Variants in ZNF142 observed in about 807,000 individuals in gnomAD.
The protein encoded by ZNF142 is zinc finger protein 142 (clone pHZ-49).
ZNF142 carries 96 observed loss-of-function variants against 132.1 expected under a neutral mutation model. The ratio of observed to expected loss-of-function variants is 0.73; its 90% CI spans 0.62 to 0.86. ZNF142 has a LOEUF of 0.86. ZNF142 is among the 40% of genes least tolerant of loss of function. ZNF142 has a pLI of 0.00. For missense variants in ZNF142, 2,163 were observed against 2,336.2 expected, an observed-to-expected ratio of 0.93 and a Z score of 1.53; for synonymous variants, 842 against 890.1, an observed-to-expected ratio of 0.95 and a Z score of 0.96.
intron 3 of ZNF142, among the ~76,000 whole-genome samples, chr2:218,658,100 A>G (rs1170999197): frequency 3.3e-5 from 5 of 152,264 alleles, no homozygotes; most frequent in East Asian, 1.9e-4. Context: ...ATATGGGAAC[A>G]TAACTGAGGA....
At chr2:218,640,093 ATACT>A (rs1480622833) in intron 10 of ZNF142, among the ~76,000 whole-genome samples, 3 of 150,252 alleles carry the variant, frequency 2.0e-5, no homozygotes, top group Non-Finnish European at 3.0e-5. Context: ...AAAAAAAGAA[ATACT>A]TAGGAGGGAA....
At chr2:218,649,511 C>A in intron 6 of ZNF142, 52 bp from the exon 7 acceptor site, 2 of 1,463,662 alleles carry the variant, frequency 1.4e-6, no homozygotes, top group Non-Finnish European at 1.8e-6. Context: ...CTGGGGAAAG[C>A]CAGATAATGG....
intron 10 of ZNF142, among the ~76,000 whole-genome samples, chr2:218,640,061 CAAAAAAAAAAA>C (rs35136548): frequency 1.4e-4 from 6 of 44,334 alleles, no homozygotes; most frequent in Admixed American, 8.8e-4. Flanking sequence ...GACTCTGTCT[CAAAAAAAAAAA>C]AAAAAAAAAA....
chr2:218,640,930 A>ATT (rs34502703), intron 9 of ZNF142, among the ~76,000 whole-genome samples, 161 bp from the exon 10 acceptor site: 399 of 135,142 alleles, frequency 3.0e-3, no homozygotes, highest in African/African-American at 0.01. Flanking sequence ...CTTGCTAGGG[A>ATT]TTTTTTTTTT....
intron 8 of ZNF142, 141 bp from the exon 9 acceptor site, chr2:218,645,205 C>G: frequency 9.4e-7 from 1 of 1,058,338 alleles, no homozygotes; most frequent in Non-Finnish European, 1.3e-6. Flanking sequence ...TTTTCACTAC[C>G]CTATGAAACT....
Position 218,636,631 on chromosome 2 carries a change from T to C in ZNF142, c.*1708A>G. The C allele has an allele frequency of 1.3e-6, 2 of 1,539,512 alleles. No individual in the cohort carries two copies. Among genetic ancestry groups the C allele is most frequent in the Non-Finnish European group, 1.8e-6 (2 of 1,119,806 alleles). On this transcript the variant is annotated 3_prime_UTR_variant, in exon 11 of 11. Coordinates refer to ENST00000411696, the MANE Select transcript of ZNF142 (RefSeq NM_001379659.1). ...TGCTGGCTTTAGACGGGGAGAAACA[T>C]CTGGAAGGATGCTCGAGAGAACAAA...
chr2:218,636,002 T>C lies in ZNF142; in HGVS notation c.*2337A>G. 6.2e-7 allele frequency: 1 copy of C among 1,604,870 alleles called. No homozygotes were observed. The highest frequency in any genetic ancestry group is 8.5e-7 in the Non-Finnish European group (1 of 1,173,712). On this transcript the variant is annotated 3_prime_UTR_variant, in exon 11 of 11. Coordinates refer to ENST00000411696, the MANE Select transcript of ZNF142 (RefSeq NM_001379659.1). ...AGTTTTCCTTCTAGTCTGTCTTCCA[T>C]TAAGTATAGCATCTGTTATTGCATG...
At position 218,642,473 on chromosome 2, in the gene ZNF142, C is replaced by T. The variant is rs371172483; in HGVS notation, c.4643G>A (p.Arg1548His). 1.5e-5 allele frequency: 24 copies of T among 1,609,256 alleles called. No homozygotes were observed. Among genetic ancestry groups the T allele is most frequent in the Middle Eastern group, 1.7e-4 (1 of 6,050 alleles). ...PSPASLRGHT[R>H]KQHPRLECGA... The stretch of plus-strand genomic sequence containing the variant: ...ACACTCAAGCCGTGGGTGCTGTTTA[C>T]GGGTGTGTCCTCGTAAGCTGGCAGG... The change falls in exon 9 of 11, where the codon CGT becomes CAT. Residue 1548 changes from arginine to histidine, a missense_variant. By Grantham distance (29) the Arg-to-His change is conservative. Around this residue, in one of 7 missense-constraint regions of ZNF142, gnomAD observed 809 missense variants for 801.7 expected, o/e 1.01. Coordinates refer to ENST00000411696, the MANE Select transcript of ZNF142 (RefSeq NM_001379659.1). This position sits in a 1 kb window ranked among gnomAD's most constrained non-coding sequence, Gnocchi z 4.6.
Position 218,638,751 on chromosome 2 carries a change from A to T in ZNF142, c.5252T>A (p.Leu1751Gln). The T allele has an allele frequency of 6.2e-7, 1 of 1,611,826 alleles. No homozygotes were observed. The highest frequency in any genetic ancestry group is 8.5e-7 in the Non-Finnish European group (1 of 1,179,996). ...CEYCTNRADA[L>Q]RVHQETRHRE... ...ATGCCGGGTCTCCTGGTGCACACGC[A>T]GTGCATCAGCCCGGTTGGTGCAGTA... Residue 1751 changes from leucine to glutamine, a missense_variant, in exon 11 of 11, where the codon CTG becomes CAG. This residue lies in a region of ZNF142 where 325 missense variants were observed against 367.8 expected (regional missense o/e 0.88). Transcript: ENST00000411696.
In ZNF142 at chr2:218,634,536, A is replaced by G. The variant is rs149628135; in HGVS notation, c.*3803T>C. The G allele has an allele frequency of 1.9e-6, 3 of 1,613,944 alleles. No individual in the cohort carries two copies. The highest frequency in any genetic ancestry group is 2.7e-5 in the African/African-American group (2 of 74,946). The stretch of plus-strand genomic sequence containing the variant: ...TTCCGCCAGAATGGCGGCTGTGGCT[A>G]TGTGCTGAAGCCAGACTTCCTGCGT... On this transcript the variant is annotated 3_prime_UTR_variant, in exon 11 of 11. Coordinates refer to ENST00000411696, the MANE Select transcript of ZNF142 (RefSeq NM_001379659.1). The surrounding 1 kb of genome is among the most constrained non-coding windows in gnomAD (Gnocchi z 4.0).
Position 218,636,178 on chromosome 2 carries a change from G to C in ZNF142, c.*2161C>G. The C allele has an allele frequency of 1.9e-6, 3 of 1,553,572 alleles. No homozygotes were observed. The highest frequency in any genetic ancestry group is 2.7e-6 in the Non-Finnish European group (3 of 1,129,004). On this transcript the variant is annotated 3_prime_UTR_variant, in exon 11 of 11. Transcript: ENST00000411696. Reference sequence around the variant, plus strand: ...CCATCTAGATTAAATGAGAACACAAGAAAAGCAACCCAGTCAAGAAAACTG... The same window carrying C: ...CCATCTAGATTAAATGAGAACACAACAAAAGCAACCCAGTCAAGAAAACTG...
Position 218,651,720 on chromosome 2 carries a change from TGGAA to T in ZNF142, c.857_860del (p.Leu286HisfsTer37), listed in dbSNP as rs1472333299. ...TCATACCTGGCAGCAGCTCCTGGGA[TGGAA>T]GGCCCTGAACGGCAGAAAGTTCTCC... is the stretch of plus-strand genomic sequence containing the variant. On this transcript the variant is annotated frameshift_variant, in exon 5 of 11. Coordinates refer to ENST00000411696, the MANE Select transcript of ZNF142 (RefSeq NM_001379659.1). LOFTEE classifies it high-confidence loss of function. 1 of 1,286,674 alleles carries T rather than the reference TGGAA, an allele frequency of 7.8e-7. No individual in the cohort carries two copies. The highest frequency in any genetic ancestry group is 5.6e-5 in the East Asian group (1 of 18,002). 79.7% of individuals were successfully genotyped at this position (1,286,674 alleles called of 1,614,324 possible). A position where few individuals can be genotyped will look rare whatever the true frequency, so the allele number is the denominator to read the frequency against.
intron 9 of ZNF142, 103 bp from the exon 10 acceptor site, chr2:218,640,872 A>G (rs1445124278): frequency 3.5e-6 from 3 of 845,734 alleles, no homozygotes; most frequent in African/African-American, 3.4e-5. Context: ...CCTTTATCAT[A>G]TGGCAAGCAG....
Position 218,644,771 on chromosome 2 carries a change from G to A in ZNF142, c.2345C>T (p.Thr782Ile). 1 of 1,614,240 alleles carries A rather than the reference G, an allele frequency of 6.2e-7. No individual in the cohort carries two copies. The highest frequency in any genetic ancestry group is 1.1e-5 in the South Asian group (1 of 91,088). Residue 782 changes from threonine to isoleucine, a missense_variant, in exon 9 of 11, where the codon ACC (threonine) becomes ATC (isoleucine). Physicochemically the swap from Thr to Ile is moderately conservative, Grantham distance 89. Coordinates refer to ENST00000411696, the MANE Select transcript of ZNF142 (RefSeq NM_001379659.1). The surrounding 1 kb of genome is among the most constrained non-coding windows in gnomAD (Gnocchi z 4.6). ...GAACAAGAGTGTGGTGTTGCTGAAG[G>A]TGCGGTAGTCACAGAGGGCACAGTG... Reference protein sequence around the residue: ...EFHCALCDYRTFSNTTLLFHK... With the variant: ...EFHCALCDYRIFSNTTLLFHK...
At chr2:218,658,496 G>C (rs563634603) in intron 3 of ZNF142, among the ~76,000 whole-genome samples, 1 of 151,882 alleles carries the variant, frequency 6.6e-6, no homozygotes, top group South Asian at 2.1e-4. Context: ...AGCCGAGATC[G>C]CACCATTGCA....
chr2:218,644,722 A>G lies in ZNF142; in HGVS notation c.2394T>C (p.Tyr798=), dbSNP rs544573449. 3.1e-6 allele frequency: 5 copies of G among 1,614,228 alleles called. No individual in the cohort carries two copies. Among genetic ancestry groups the G allele is most frequent in the African/African-American group, 2.7e-5 (2 of 75,050 alleles). Reference sequence around the variant, plus strand: ...GCTGCCAGGCCTGGTCTCCAGGTACATAGCCATGGGCCTTGCGTTTATGGA... The same window carrying G: ...GCTGCCAGGCCTGGTCTCCAGGTACGTAGCCATGGGCCTTGCGTTTATGGA... The part of the protein sequence containing the change: ...LLFHKRKAHG[Y]VPGDQAWQLR... The change falls in exon 9 of 11, where the codon TAT becomes TAC. Residue 798 remains tyrosine (Y), a synonymous_variant. Transcript: ENST00000411696. The surrounding 1 kb of genome is among the most constrained non-coding windows in gnomAD (Gnocchi z 4.6).
In ZNF142 at chr2:218,634,702, C is replaced by G. The variant is rs1696610202; in HGVS notation, c.*3637G>C. 6.5e-7 allele frequency: 1 copy of G among 1,528,678 alleles called. No homozygotes were observed. Among genetic ancestry groups the G allele is most frequent in the African/African-American group, 1.4e-5 (1 of 72,340 alleles). The allele number at this position is 1,528,678 out of a possible 1,614,324, so 94.7% of individuals were successfully genotyped here. On this transcript the variant is annotated 3_prime_UTR_variant, in exon 11 of 11. Transcript: ENST00000411696. This position sits in a 1 kb window ranked among gnomAD's most constrained non-coding sequence, Gnocchi z 4.0. The stretch of plus-strand genomic sequence containing the variant: ...AGAAGTGAGGGAAGAGGTGGCTAGG[C>G]CTGACCGGAATGTAGAGGCCGGATA...
rs1234753703 is a variant in ZNF142 at position 218,642,182 on chromosome 2, C to T, written c.4934G>A (p.Gly1645Glu). The change falls in exon 9 of 11, where the codon GGG (glycine) becomes GAG (glutamate). Residue 1645 changes from glycine to glutamate, a missense_variant. Gly to Glu is a moderately conservative substitution (Grantham distance 98). Around this residue, in one of 7 missense-constraint regions of ZNF142, gnomAD observed 325 missense variants for 367.8 expected, o/e 0.88. Transcript: ENST00000411696. This position sits in a 1 kb window ranked among gnomAD's most constrained non-coding sequence, Gnocchi z 4.6. ...CTTGTAGAGACGAGTGCCCCCATGC[C>T]CTTTCACATGGTGATCTAGTACCAG... ...HQLVLDHHVK[G>E]HGGTRLYKCT... The T allele has an allele frequency of 6.2e-7, 1 of 1,614,180 alleles. No individual in the cohort carries two copies.
chr2:218,641,269 TG>T (rs1330165719), intron 9 of ZNF142, among the ~76,000 whole-genome samples: 1 of 122,364 alleles, frequency 8.2e-6, no homozygotes, highest in Non-Finnish European at 1.7e-5. Context: ...TTTTTTGAGA[TG>T]GAGTCTCGCT....
Sources: gnomAD v4.1 joint callset for allele counts (sites outside exome capture counted in the v4.1 genomes callset) on GRCh38, gnomAD v4.1.1 for gene constraint, gnomAD v4.1.1 regional missense constraint, Gnocchi (gnomAD v3.1) non-coding constraint, MANE v1.5 for transcripts, NCBI Gene and HGNC (gene_info 2026-07-23, HGNC 2026-07-21) for gene names.